CRB1: variants seen among roughly 807,000 people sequenced by gnomAD.
The protein encoded by CRB1 is protein crumbs homolog 1.
CRB1 carries 83 observed loss-of-function variants against 120.0 expected under a neutral mutation model. The observed-to-expected ratio is 0.69, with a 90% confidence interval of 0.58 to 0.83. CRB1 has a LOEUF of 0.83. Ranked by LOEUF, CRB1 falls within the 40% of genes least tolerant of loss-of-function variation. The probability of loss-of-function intolerance (pLI) is 0.00; values close to 1 mark genes in which losing one functional copy is unlikely to be tolerated. For missense variants in CRB1, 1,699 were observed against 1,687.6 expected (o/e 1.01, Z -0.12); for synonymous variants, 625 against 612.5 (o/e 1.02, Z -0.30).
At chr1:197,362,115 A>G (rs1343683813) in intron 5 of CRB1, among the ~76,000 whole-genome samples, 1 of 152,050 alleles carries the variant, frequency 6.6e-6, no homozygotes, top group Non-Finnish European at 1.5e-5. Flanking sequence ...TAGAAATAAG[A>G]ATTGAATTGT....
At chr1:197,223,238 A>T in the CRB1 span, 1 of 1,121,422 alleles carries the variant, frequency 8.9e-7, no homozygotes, top group Admixed American at 1.8e-5. Context: ...TACAAACCAG[A>T]AGATTCGAAT....
chr1:197,328,491 A>G lies in CRB1; in HGVS notation c.140A>G (p.Asp47Gly), dbSNP rs1240979285. The change falls in exon 2 of 12, where the codon GAT becomes GGT. Residue 47 changes from aspartate (D) to glycine (G), a missense_variant. Asp to Gly is a moderately conservative substitution (Grantham distance 94). Coordinates refer to ENST00000367400, the MANE Select transcript of CRB1 (RefSeq NM_201253.3). ...TGCCAAAACAATTCTACATGCAAAG[A>G]TTTTTCAAAAGACAATGATTGTTCT... is the stretch of plus-strand genomic sequence containing the variant. ...NSCQNNSTCK[D>G]FSKDNDCSCS... The G allele has an allele frequency of 1.2e-6, 2 of 1,614,074 alleles. No homozygotes were observed. The highest frequency in any genetic ancestry group is 2.2e-5 in the East Asian group (1 of 44,898).
chr1:197,427,997 G>A lies in CRB1; in HGVS notation c.2672G>A (p.Cys891Tyr). The change falls in exon 7 of 12, where the codon TGC (cysteine) becomes TAC (tyrosine). Residue 891 changes from cysteine to tyrosine, a missense_variant. Transcript: ENST00000367400. ...CAAGGCTGTGCTGGAGACAACAGCT[G>A]CAAGGTAATGATTACTCATACAAAC... ...VTQGCAGDNS[C>Y]KSNPCHNGGV... The A allele has an allele frequency of 6.2e-7, 1 of 1,613,052 alleles. No homozygotes were observed. Among genetic ancestry groups the A allele is most frequent in the South Asian group, 1.1e-5 (1 of 91,066 alleles).
chr1:197,464,222 CCTCA>C (rs1043331375), intron 11 of CRB1, among the ~76,000 whole-genome samples: 1 of 152,082 alleles, frequency 6.6e-6, no homozygotes, highest in Non-Finnish European at 1.5e-5. Context: ...AAATGCGTCT[CCTCA>C]CAACACTGAA....
intron 5 of CRB1, among the ~76,000 whole-genome samples, chr1:197,388,146 G>A (rs1034482752): frequency 6.6e-6 from 1 of 151,822 alleles, no homozygotes; most frequent in African/African-American, 2.4e-5. Flanking sequence ...CCTACTACTC[G>A]ATATTATATA....
At chr1:197,405,474 G>T (rs1430440186) in intron 5 of CRB1, among the ~76,000 whole-genome samples, 1 of 151,970 alleles carries the variant, frequency 6.6e-6, no homozygotes, top group African/African-American at 2.4e-5. Context: ...AGTGCCGAGA[G>T]TGCAGCCTCT....
intron 1 of CRB1, among the ~76,000 whole-genome samples, chr1:197,320,944 A>G (rs775299199): frequency 4.6e-5 from 7 of 152,238 alleles, no homozygotes; most frequent in Non-Finnish European, 8.8e-5. Flanking sequence ...TGCCAATTCA[A>G]AACATCAGAT....
At chr1:197,324,970 T>C (rs1020271317) in intron 1 of CRB1, among the ~76,000 whole-genome samples, 26 of 152,216 alleles carry the variant, frequency 1.7e-4, no homozygotes, top group African/African-American at 5.3e-4. Flanking sequence ...TTTTAACTGC[T>C]CCATGTGGAT....
the CRB1 span, among the ~76,000 whole-genome samples, chr1:197,240,334 C>T: frequency 1.7e-4 from 26 of 152,214 alleles, no homozygotes; most frequent in East Asian, 7.7e-4. Flanking sequence ...CCGTCATCTA[C>T]GTTAGGTATT....
the CRB1 span, chr1:197,223,150 C>G: frequency 1.0e-6 from 1 of 953,080 alleles, no homozygotes; most frequent in Admixed American, 1.7e-5. Context: ...TAATGATTGC[C>G]TTGGCCCTGG....
chr1:197,450,252 G>T (rs1256131399), intron 11 of CRB1, among the ~76,000 whole-genome samples: 3 of 152,108 alleles, frequency 2.0e-5, no homozygotes, highest in African/African-American at 4.8e-5. Flanking sequence ...GATTGTAATC[G>T]CATAGGTATT....
chr1:197,233,893 A>G, the CRB1 span, among the ~76,000 whole-genome samples: 2 of 152,146 alleles, frequency 1.3e-5, no homozygotes, highest in Non-Finnish European at 1.5e-5. Flanking sequence ...GAATTCCCCC[A>G]GTTGAGCTGG....
chr1:197,432,087 C>T (rs2125494031), intron 8 of CRB1, among the ~76,000 whole-genome samples: 1 of 152,104 alleles, frequency 6.6e-6, no homozygotes, highest in South Asian at 2.1e-4. Flanking sequence ...ACCTTAAATA[C>T]AGGTGTGCTT....
upstream of CRB1, chr1:197,268,201 C>A: frequency 1.9e-6 from 1 of 527,720 alleles, no homozygotes. Context: ...AAAATCACCC[C>A]ATCCTCCCGT....
intron 4 of CRB1, among the ~76,000 whole-genome samples, chr1:197,352,013 T>C (rs1279140094): frequency 6.6e-6 from 1 of 152,216 alleles, no homozygotes; most frequent in Non-Finnish European, 1.5e-5. Flanking sequence ...ACTGATGTAA[T>C]TGCCTAGGGT....
At chr1:197,221,811 ATATGC>A in the CRB1 span, among the ~76,000 whole-genome samples, 1 of 152,152 alleles carries the variant, frequency 6.6e-6, no homozygotes, top group South Asian at 2.1e-4. Flanking sequence ...TGATCCTGAC[ATATGC>A]TCAGTGACTG....
chr1:197,441,440 C>T (rs576919264), intron 10 of CRB1: 1 of 152,094 alleles, frequency 6.6e-6, no homozygotes, highest in South Asian at 2.1e-4. Context: ...TTACCTGAGA[C>T]TTGATGTCAC....
intron 11 of CRB1, among the ~76,000 whole-genome samples, chr1:197,470,374 A>G (rs1666931475): frequency 6.6e-6 from 1 of 152,182 alleles, no homozygotes; most frequent in Admixed American, 6.5e-5. Context: ...AAATAGTAAC[A>G]CCTACCTAGT....
the CRB1 span, among the ~76,000 whole-genome samples, chr1:197,225,975 T>G: frequency 6.6e-6 from 1 of 152,132 alleles, no homozygotes; most frequent in Non-Finnish European, 1.5e-5. Flanking sequence ...CATCCCTGCT[T>G]ACTGCAACCC....
Sources: allele counts gnomAD v4.1 joint callset (sites outside exome capture counted in the v4.1 genomes callset), GRCh38; gene constraint gnomAD v4.1.1; transcripts MANE v1.5; gene names NCBI Gene and HGNC (gene_info 2026-07-23, HGNC 2026-07-21).